IMMP2L: variants seen among roughly 807,000 people sequenced by gnomAD.
IMMP2L encodes the protein mitochondrial inner membrane protease subunit 2.
Under a neutral mutation model 19.3 loss-of-function variants are expected in IMMP2L, and 18 were observed. The ratio of observed to expected loss-of-function variants is 0.93; its 90% CI spans 0.64 to 1.38. The LOEUF (loss-of-function observed/expected upper bound fraction) is 1.38. Ranked by LOEUF, IMMP2L falls within the 40% of genes most tolerant of loss-of-function variation. The probability of loss-of-function intolerance (pLI) is 0.00; values close to 1 mark genes in which losing one functional copy is unlikely to be tolerated. For missense variants in IMMP2L, 233 were observed against 218.2 expected, an observed-to-expected ratio of 1.07 and a Z score of -0.43; for synonymous variants, 76 against 73.0, an observed-to-expected ratio of 1.04 and a Z score of -0.21.
At chr7:111,228,966 CGTGT>C (rs10530563) in intron 3 of IMMP2L, among the ~76,000 whole-genome samples, 72,504 of 143,782 alleles carry the variant, frequency 0.5, 17,977 homozygotes, top group Non-Finnish European at 0.55. Context: ...ACTAGCAATG[CGTGT>C]GTGTGTGTGT....
At chr7:111,434,979 T>A (rs1837007393) in intron 3 of IMMP2L, among the ~76,000 whole-genome samples, 1 of 151,822 alleles carries the variant, frequency 6.6e-6, no homozygotes, top group Non-Finnish European at 1.5e-5. Flanking sequence ...AATCATACAT[T>A]TCTCATACCA....
At chr7:111,022,782 T>C (rs1390636402) in intron 3 of IMMP2L, among the ~76,000 whole-genome samples, 2 of 152,174 alleles carry the variant, frequency 1.3e-5, no homozygotes, top group Non-Finnish European at 2.9e-5. Flanking sequence ...CTGCTGATCC[T>C]TTCACCAACC....
chr7:110,812,348 C>T (rs1320276873), intron 5 of IMMP2L, among the ~76,000 whole-genome samples: 2 of 152,054 alleles, frequency 1.3e-5, no homozygotes, highest in Non-Finnish European at 2.9e-5. Context: ...TCTGATCACC[C>T]TCTGCATCAT....
At chr7:110,903,884 AT>A (rs1322062499) in intron 4 of IMMP2L, among the ~76,000 whole-genome samples, 1 of 151,504 alleles carries the variant, frequency 6.6e-6, no homozygotes, top group Non-Finnish European at 1.5e-5. Flanking sequence ...CTTCACCAAT[AT>A]TCATTGCCTT....
At chr7:110,695,524 T>C (rs1164434392) in intron 5 of IMMP2L, among the ~76,000 whole-genome samples, 4 of 152,114 alleles carry the variant, frequency 2.6e-5, no homozygotes, top group African/African-American at 9.7e-5. Context: ...GATAATTTTA[T>C]GTTATTTGAA....
In IMMP2L at chr7:111,060,062, A is replaced by G. The variant is rs1793880937; in HGVS notation, c.240-96497T>C. On this transcript the variant is annotated intron_variant, in intron 3 of 5. Coordinates refer to ENST00000405709, the MANE Select transcript of IMMP2L (RefSeq NM_032549.4). ...TCAGTGTCTAGAAAACAGAGTGTGC[A>G]ATGTGCCAAGTCTTCACTGATTTAT... is the stretch of plus-strand genomic sequence containing the variant. 3.3e-5 allele frequency among the ~76,000 whole-genome samples: 5 copies of G among 152,360 alleles called. No individual in the cohort carries two copies. In the South Asian group the frequency reaches 1.0e-3, roughly 32 times the overall value.
chr7:111,149,881 CA>C (rs1028350015), intron 3 of IMMP2L, among the ~76,000 whole-genome samples: 71 of 152,190 alleles, frequency 4.7e-4, no homozygotes, highest in African/African-American at 1.6e-3. Context: ...AAGAAAGAAG[CA>C]ACTCATCAAA....
At chr7:111,194,444 G>T (rs992179670) in intron 3 of IMMP2L, among the ~76,000 whole-genome samples, 2 of 152,064 alleles carry the variant, frequency 1.3e-5, no homozygotes, top group African/African-American at 2.4e-5. Context: ...CCCCTCCTTT[G>T]TACCATTACA....
chr7:111,342,885 C>T (rs1188314085), intron 3 of IMMP2L, among the ~76,000 whole-genome samples: 1 of 151,956 alleles, frequency 6.6e-6, no homozygotes, highest in Non-Finnish European at 1.5e-5. Context: ...ACCCTTCTAA[C>T]ATAAAAGTTA....
intron 3 of IMMP2L, among the ~76,000 whole-genome samples, chr7:111,348,050 A>ATAC (rs757033050): frequency 8.7e-5 from 13 of 149,154 alleles, no homozygotes; most frequent in Non-Finnish European, 1.5e-4. Context: ...AGAAAACCAA[A>ATAC]TACTGCATGT....
chr7:111,210,001 C>T (rs1311862675), intron 3 of IMMP2L, among the ~76,000 whole-genome samples: 1 of 152,158 alleles, frequency 6.6e-6, no homozygotes, highest in African/African-American at 2.4e-5. Flanking sequence ...GCAAGGTGTT[C>T]TTTGCCGAGA....
intron 3 of IMMP2L, among the ~76,000 whole-genome samples, chr7:110,988,374 A>C (rs890980512): frequency 3.3e-5 from 5 of 152,210 alleles, no homozygotes; most frequent in African/African-American, 1.2e-4. Flanking sequence ...GTAGAGGTTC[A>C]AGCATGGGAA....
intron 3 of IMMP2L, among the ~76,000 whole-genome samples, chr7:111,277,630 C>T (rs13239254): frequency 0.33 from 50,078 of 150,390 alleles, 8,989 homozygotes; most frequent in South Asian, 0.61. Flanking sequence ...GAAAAGGGAA[C>T]GCTTGTAGGA....
chr7:111,047,504 A>G (rs1269674650), intron 3 of IMMP2L, among the ~76,000 whole-genome samples: 1 of 152,166 alleles, frequency 6.6e-6, no homozygotes, highest in African/African-American at 2.4e-5. Context: ...AATTTATTTT[A>G]AAGTTTTTTT....
intron 5 of IMMP2L, among the ~76,000 whole-genome samples, chr7:110,834,533 T>C (rs1804259029): frequency 2.0e-5 from 3 of 152,078 alleles, no homozygotes; most frequent in South Asian, 2.1e-4. Context: ...GAAGAAAGCT[T>C]TGTGCTCCGT....
chr7:111,229,064 C>T (rs1372447292), intron 3 of IMMP2L, among the ~76,000 whole-genome samples: 2 of 151,444 alleles, frequency 1.3e-5, no homozygotes, highest in Non-Finnish European at 2.9e-5. Context: ...TAATGTCATA[C>T]TCAACCCGGA....
chr7:111,044,549 G>A (rs969030067), intron 3 of IMMP2L, among the ~76,000 whole-genome samples: 13 of 152,058 alleles, frequency 8.5e-5, no homozygotes, highest in Admixed American at 6.6e-4. Context: ...CGACAAGAGC[G>A]AAACTCTGCC....
chr7:110,936,826 A>C (rs145663439), intron 4 of IMMP2L, among the ~76,000 whole-genome samples: 1 of 152,326 alleles, frequency 6.6e-6, no homozygotes, highest in African/African-American at 2.4e-5. Context: ...TAGACTAGAT[A>C]AAGAAAATGT....
intron 3 of IMMP2L, among the ~76,000 whole-genome samples, chr7:111,165,323 T>G (rs1178925471): frequency 6.6e-6 from 1 of 152,064 alleles, no homozygotes; most frequent in Non-Finnish European, 1.5e-5. Flanking sequence ...AATTCATCTG[T>G]CAATGGATAT....
Sources: allele counts gnomAD v4.1 joint callset (sites outside exome capture counted in the v4.1 genomes callset), GRCh38; gene constraint gnomAD v4.1.1; transcripts MANE v1.5; gene names NCBI Gene and HGNC (gene_info 2026-07-23, HGNC 2026-07-21).